The following CTNNA2 variants were observed in gnomAD, a reference collection of about 807,000 sequenced individuals.
The protein encoded by CTNNA2 is catenin alpha-2.
Under a neutral mutation model 101.0 loss-of-function variants are expected in CTNNA2, and 42 were observed. The observed-to-expected ratio is 0.42, with a 90% CI of 0.32 to 0.54. The LOEUF is 0.54. Ranked by LOEUF, CTNNA2 falls within the 20% of genes least tolerant of loss-of-function variation. CTNNA2 has a pLI of 0.14. For synonymous variants in CTNNA2, 450 were observed against 456.4 expected (o/e 0.99, Z 0.18); for missense variants, 871 against 1,223.1 (o/e 0.71, Z 4.29).
intron 1 of CTNNA2, among the ~76,000 whole-genome samples, chr2:79,186,560 G>C (rs553874710): frequency 6.6e-6 from 1 of 152,184 alleles, no homozygotes; most frequent in Non-Finnish European, 1.5e-5. Context: ...ATAAGAGCTT[G>C]TCTCACATCA....
At position 80,371,503 on chromosome 2, in the gene CTNNA2, T is replaced by TACAC. The variant is rs55947840; in HGVS notation, c.1057-21690_1057-21687dup. ...AGAAAGATGCATGAAGTGCAGTGCA[T>TACAC]ACACACACACACACACACACAAAGG... On this transcript the variant is annotated intron_variant, in intron 7 of 18. Coordinates refer to ENST00000402739, the MANE Select transcript of CTNNA2 (RefSeq NM_001282597.3). Among the ~76,000 whole-genome samples the TACAC allele has an allele frequency of 4.3e-3, 641 of 148,332 alleles. 1 individual carries two copies. Among genetic ancestry groups the TACAC allele is most frequent in the South Asian group, 0.012 (54 of 4,692 alleles).
chr2:79,363,873 T>C (rs746753900), intron 3 of CTNNA2, among the ~76,000 whole-genome samples: 3 of 152,194 alleles, frequency 2.0e-5, no homozygotes, highest in Non-Finnish European at 4.4e-5. Flanking sequence ...GCCAGGCTAG[T>C]ATGCAAATGA....
intron 3 of CTNNA2, among the ~76,000 whole-genome samples, chr2:79,354,978 A>G (rs2104441906): frequency 6.6e-6 from 1 of 152,262 alleles, no homozygotes; most frequent in Non-Finnish European, 1.5e-5. Context: ...CTAGTCATCC[A>G]TCTTGTCCTG....
intron 4 of CTNNA2, among the ~76,000 whole-genome samples, chr2:79,868,731 C>G (rs1421199569): frequency 2.0e-5 from 3 of 152,338 alleles, no homozygotes; most frequent in African/African-American, 7.2e-5. Context: ...TCTTTCAAAG[C>G]TGCCTTCTCG....
chr2:79,713,807 A>G (rs1685895794), intron 2 of CTNNA2, among the ~76,000 whole-genome samples: 1 of 152,174 alleles, frequency 6.6e-6, no homozygotes, highest in Non-Finnish European at 1.5e-5. Context: ...AGTGTGTGGG[A>G]TAGGATAAAA....
intron 9 of CTNNA2, among the ~76,000 whole-genome samples, chr2:80,471,630 G>A (rs1473873412): frequency 6.6e-6 from 1 of 152,182 alleles, no homozygotes; most frequent in African/African-American, 2.4e-5. Flanking sequence ...TTAACTCATG[G>A]ATATGGCCAT....
chr2:80,095,698 T>G (rs1700102217), intron 7 of CTNNA2, among the ~76,000 whole-genome samples: 1 of 152,216 alleles, frequency 6.6e-6, no homozygotes, highest in African/African-American at 2.4e-5. Flanking sequence ...ACTGGTCTAT[T>G]CAGAGATTCA....
intron 9 of CTNNA2, among the ~76,000 whole-genome samples, chr2:80,506,259 C>T (rs1012703844): frequency 6.6e-6 from 1 of 152,112 alleles, no homozygotes; most frequent in Non-Finnish European, 1.5e-5. Flanking sequence ...CTGGAGGAGG[C>T]AGCACTTGGG....
chr2:79,263,705 G>T (rs1025253551), intron 2 of CTNNA2, among the ~76,000 whole-genome samples: 2 of 152,120 alleles, frequency 1.3e-5, no homozygotes, highest in African/African-American at 4.8e-5. Flanking sequence ...TACCACAAGA[G>T]TGGGAGTATT....
intron 7 of CTNNA2, among the ~76,000 whole-genome samples, chr2:80,074,037 C>G (rs1006627674): frequency 6.6e-6 from 1 of 151,956 alleles, no homozygotes; most frequent in Admixed American, 6.6e-5. Context: ...GGATTCTTGG[C>G]TTTACTAAGC....
At chr2:80,358,953 G>A (rs1674118057) in intron 7 of CTNNA2, among the ~76,000 whole-genome samples, 1 of 151,468 alleles carries the variant, frequency 6.6e-6, no homozygotes, top group Non-Finnish European at 1.5e-5. Context: ...TTGCATTGGG[G>A]TTTCCATTCT....
At chr2:80,285,022 G>A (rs1196215404) in intron 7 of CTNNA2, among the ~76,000 whole-genome samples, 1 of 152,164 alleles carries the variant, frequency 6.6e-6, no homozygotes, top group Non-Finnish European at 1.5e-5. Flanking sequence ...AGGCCAAAAA[G>A]GAGGGGCTCT....
chr2:80,364,959 C>T lies in CTNNA2; in HGVS notation c.1057-28252C>T, dbSNP rs17019090. Among the ~76,000 whole-genome samples the T allele has an allele frequency of 4.5e-3, 682 of 152,236 alleles. 7 individuals carry two copies. Among genetic ancestry groups the T allele is most frequent in the African/African-American group, 0.016 (659 of 41,548 alleles). On this transcript the variant is annotated intron_variant, in intron 7 of 18. Coordinates refer to ENST00000402739, the MANE Select transcript of CTNNA2 (RefSeq NM_001282597.3). ...GTGATGGGGTTAAATGCGATAGTAA[C>T]AGCTCGATTTAGTGGCATTGGCTAA...
chr2:79,973,032 G>C (rs988665026), intron 7 of CTNNA2, among the ~76,000 whole-genome samples: 1 of 152,058 alleles, frequency 6.6e-6, no homozygotes, highest in Non-Finnish European at 1.5e-5. Flanking sequence ...TCCATTGAGA[G>C]AGAGAAAGAG....
At chr2:79,972,707 A>G (rs1016446766) in intron 7 of CTNNA2, among the ~76,000 whole-genome samples, 1 of 152,228 alleles carries the variant, frequency 6.6e-6, no homozygotes, top group Non-Finnish European at 1.5e-5. Flanking sequence ...GCAGCAGGGC[A>G]TCCATTTAGG....
At chr2:79,656,660 A>G (rs1400017936) in intron 2 of CTNNA2, among the ~76,000 whole-genome samples, 1 of 152,088 alleles carries the variant, frequency 6.6e-6, no homozygotes, top group African/African-American at 2.4e-5. Flanking sequence ...GAGAAATTGT[A>G]CATTATTAAA....
chr2:80,554,426 G>A (rs779445711), intron 11 of CTNNA2, among the ~76,000 whole-genome samples: 1 of 152,036 alleles, frequency 6.6e-6, no homozygotes, highest in South Asian at 2.1e-4. Context: ...TCATGTCTTG[G>A]TGTGTTTTGG....
At chr2:79,725,507 C>G (rs1686781291) in intron 2 of CTNNA2, among the ~76,000 whole-genome samples, 1 of 152,188 alleles carries the variant, frequency 6.6e-6, no homozygotes, top group Non-Finnish European at 1.5e-5. Flanking sequence ...TATTCACTTA[C>G]ATCTTTCTAA....
At chr2:80,199,070 A>C (rs1389643234) in intron 7 of CTNNA2, among the ~76,000 whole-genome samples, 1 of 150,580 alleles carries the variant, frequency 6.6e-6, no homozygotes, top group Non-Finnish European at 1.5e-5. Context: ...AATCTCAGCT[A>C]CTTGGGAGGC....
Sources: gnomAD v4.1 joint callset for allele counts (sites outside exome capture counted in the v4.1 genomes callset) on GRCh38, gnomAD v4.1.1 for gene constraint, MANE v1.5 for transcripts, NCBI Gene and HGNC (gene_info 2026-07-23, HGNC 2026-07-21) for gene names.